Variants in GRM5 observed in about 807,000 individuals in gnomAD.
GRM5 encodes the protein metabotropic glutamate receptor 5.
In GRM5, 19 loss-of-function variants were observed where a neutral mutation model predicts 83.1. The observed-to-expected ratio is 0.23, with a 90% CI of 0.16 to 0.34. The LOEUF (loss-of-function observed/expected upper bound fraction) is 0.34. Among genes scored for constraint, GRM5 ranks in the 10% least tolerant of loss-of-function variants. The pLI, the probability that GRM5 is intolerant of heterozygous loss-of-function variation, is 1.00. For synonymous variants in GRM5, 675 were observed against 633.6 expected (o/e 1.07, Z -0.98); for missense variants, 1,160 against 1,588.3 (o/e 0.73, Z 4.58).
At chr11:88,926,587 C>A (rs1945792759) in intron 2 of GRM5, among the ~76,000 whole-genome samples, 1 of 152,158 alleles carries the variant, frequency 6.6e-6, no homozygotes, top group Non-Finnish European at 1.5e-5. Flanking sequence ...AGCAACTCAA[C>A]TTTTGGTTCA....
Position 88,967,213 on chromosome 11 carries a change from G to A in GRM5, c.661+79999C>T, listed in dbSNP as rs762738928. On this transcript the variant is annotated intron_variant, in intron 2 of 9. Transcript: ENST00000305447. The stretch of plus-strand genomic sequence containing the variant: ...AAGATATATGTGTGTGTGTGTGTGT[G>A]TATATATGTGTGTGTATGTATATAT... 7.4e-3 allele frequency among the ~76,000 whole-genome samples: 731 copies of A among 98,194 alleles called. 2 individuals are homozygous for A. Among genetic ancestry groups the A allele is most frequent in the Non-Finnish European group, 0.014 (612 of 42,246 alleles). 64.4% of individuals were successfully genotyped at this position (98,194 alleles called of 152,430 possible).
chr11:88,974,374 G>GAGATAGATAGATAGATAGATAGATAGAT (rs71046273), intron 2 of GRM5, among the ~76,000 whole-genome samples: 1 of 147,710 alleles, frequency 6.8e-6, no homozygotes, highest in East Asian at 2.0e-4. Flanking sequence ...CCTGGCAATA[G>GAGATAGATAGATAGATAGATAGATAGAT]AGATAGATAG....
chr11:89,053,447 T>C (rs1941801978), intron 1 of GRM5, among the ~76,000 whole-genome samples: 1 of 152,008 alleles, frequency 6.6e-6, no homozygotes, highest in South Asian at 2.1e-4. Context: ...ATACATAGAG[T>C]ATAAATTCCA....
chr11:88,713,527 G>A (rs1481719853), intron 3 of GRM5, among the ~76,000 whole-genome samples: 2 of 151,998 alleles, frequency 1.3e-5, no homozygotes, highest in African/African-American at 4.8e-5. Context: ...CTCTATATCT[G>A]CTACATAGTG....
chr11:88,882,275 A>ATAAATAATAAC (rs1944969013), intron 2 of GRM5, among the ~76,000 whole-genome samples: 1 of 151,252 alleles, frequency 6.6e-6, no homozygotes, highest in Admixed American at 6.6e-5. Flanking sequence ...TAAATAATAA[A>ATAAATAATAAC]AAGAAAAATA....
intron 9 of GRM5, among the ~76,000 whole-genome samples, chr11:88,519,983 G>T (rs1283626184): frequency 1.3e-5 from 2 of 152,104 alleles, no homozygotes; most frequent in African/African-American, 2.4e-5. Flanking sequence ...ACACTCCGTG[G>T]TCACACACTG....
intron 2 of GRM5, among the ~76,000 whole-genome samples, chr11:89,012,952 C>T (rs536216986): frequency 6.6e-6 from 1 of 152,166 alleles, no homozygotes; most frequent in Non-Finnish European, 1.5e-5. Flanking sequence ...AATCAACATC[C>T]TCTAAAGTTC....
intron 2 of GRM5, among the ~76,000 whole-genome samples, chr11:88,874,519 G>C (rs115849528): frequency 6.6e-6 from 1 of 151,800 alleles, no homozygotes; most frequent in East Asian, 1.9e-4. Context: ...GCTTTATGAC[G>C]TGGATCTGAA....
rs1305665933 is a variant in GRM5, at chr11:88,509,017, T to G, written c.3214A>C (p.Ile1072Leu). The G allele has an allele frequency of 6.4e-7, 1 of 1,571,726 alleles. No individual in the cohort carries two copies. Among genetic ancestry groups the G allele is most frequent in the Admixed American group, 1.9e-5 (1 of 53,440 alleles). ...SSVVTRFTAN[I>L]SELNSMMLST... is the part of the protein sequence containing the mutation. ...AGCATCATGGAGTTGAGCTCGCTGA[T>G]GTTGGCCGTGAAGCGGGTGACCACA... Residue 1072 changes from isoleucine to leucine, a missense_variant, in exon 10 of 10, where the codon ATC (isoleucine) becomes CTC (leucine). Physicochemically the swap from Ile to Leu is conservative, Grantham distance 5. Around this residue, in one of 9 missense-constraint regions of GRM5, gnomAD observed 562 missense variants for 532.4 expected, o/e 1.06. Coordinates refer to ENST00000305447, the MANE Select transcript of GRM5 (RefSeq NM_001143831.3).
chr11:88,833,779 T>C (rs974538335), intron 3 of GRM5, among the ~76,000 whole-genome samples: 5 of 152,158 alleles, frequency 3.3e-5, no homozygotes, highest in Non-Finnish European at 7.4e-5. Context: ...TGAAATACTA[T>C]TAGCGCATAA....
chr11:88,894,288 T>A (rs1190462250), intron 2 of GRM5, among the ~76,000 whole-genome samples: 1 of 151,960 alleles, frequency 6.6e-6, no homozygotes, highest in Non-Finnish European at 1.5e-5. Context: ...ACTACAAAAT[T>A]TGGTGCATTT....
At chr11:88,718,969 C>T (rs976361171) in intron 3 of GRM5, among the ~76,000 whole-genome samples, 7 of 146,014 alleles carry the variant, frequency 4.8e-5, no homozygotes, top group Non-Finnish European at 7.6e-5. Flanking sequence ...TTTGGCCACC[C>T]TATCTAAAAT....
At chr11:88,815,148 A>G (rs906433886) in intron 3 of GRM5, among the ~76,000 whole-genome samples, 5 of 152,168 alleles carry the variant, frequency 3.3e-5, no homozygotes, top group African/African-American at 1.2e-4. Context: ...GACACACAAA[A>G]CACTTACCAA....
intron 3 of GRM5, among the ~76,000 whole-genome samples, chr11:88,826,642 TA>T (rs922998114): frequency 6.6e-6 from 1 of 152,058 alleles, no homozygotes; most frequent in African/African-American, 2.4e-5. Context: ...CAAGAAGGAT[TA>T]AATGGCATAA....
intron 3 of GRM5, among the ~76,000 whole-genome samples, chr11:88,792,756 T>A (rs922223595): frequency 6.6e-6 from 1 of 152,144 alleles, no homozygotes; most frequent in African/African-American, 2.4e-5. Flanking sequence ...AAATACTGCT[T>A]TTTAAATTGT....
intron 3 of GRM5, among the ~76,000 whole-genome samples, chr11:88,772,120 A>G (rs1942750284): frequency 6.6e-6 from 1 of 151,948 alleles, no homozygotes; most frequent in Admixed American, 6.6e-5. Context: ...TGTTTTACTT[A>G]CTGTATCTTG....
Position 88,599,765 on chromosome 11 carries a change from G to A in GRM5, c.1395-2413C>T, listed in dbSNP as rs1375322630. 2.6e-5 allele frequency among the ~76,000 whole-genome samples: 4 copies of A among 152,138 alleles called. No homozygotes were observed. The East Asian group carries it at 5.8e-4, about 22-fold the overall frequency. On this transcript the variant is annotated intron_variant, in intron 5 of 9. Transcript: ENST00000305447. Reference sequence around the variant, plus strand: ...ACGGTGGCTCACACCTGTAATCCCAGCACTTTGGGAGGCTGAGGCGGGCAG... The same window carrying A: ...ACGGTGGCTCACACCTGTAATCCCAACACTTTGGGAGGCTGAGGCGGGCAG...
intron 2 of GRM5, among the ~76,000 whole-genome samples, chr11:88,997,289 T>A (rs1490052729): frequency 6.8e-6 from 1 of 146,324 alleles, no homozygotes; most frequent in Non-Finnish European, 1.5e-5. Flanking sequence ...ATTGCGCCAC[T>A]GTACTCCAGC....
At position 89,033,751 on chromosome 11, in the gene GRM5, G is replaced by T. The variant is rs140183135; in HGVS notation, c.661+13461C>A. ...ACTAATCTCTAAAGTCACAAATAAT[G>T]CAGTCTCCTTTAAAAAAAGGTACAT... On this transcript the variant is annotated intron_variant, in intron 2 of 9. Coordinates refer to ENST00000305447, the MANE Select transcript of GRM5 (RefSeq NM_001143831.3). 2.0e-4 allele frequency among the ~76,000 whole-genome samples: 30 copies of T among 151,778 alleles called. No individual in the cohort carries two copies. In the East Asian group the frequency reaches 5.2e-3, roughly 26 times the overall value.
Sources: allele counts gnomAD v4.1 joint callset (sites outside exome capture counted in the v4.1 genomes callset), GRCh38; gene constraint gnomAD v4.1.1; regional missense constraint gnomAD v4.1.1; transcripts MANE v1.5; gene names NCBI Gene and HGNC (gene_info 2026-07-23, HGNC 2026-07-21).